Variants in PAOX observed in about 807,000 individuals in gnomAD.
PAOX encodes the protein polyamine oxidase.
PAOX carries 38 observed loss-of-function variants against 39.0 expected under a neutral mutation model. That is an observed-to-expected ratio of 0.97 (90% confidence interval 0.75 to 1.28). The LOEUF is 1.28. Among genes scored for constraint, PAOX ranks in the 50% most tolerant of loss-of-function variants. The pLI is 0.00. For synonymous variants in PAOX, 311 were observed against 314.4 expected (o/e 0.99, Z 0.11); for missense variants, 667 against 685.7 (o/e 0.97, Z 0.30).
At chr10:133,381,865 G>A (rs868597499) in intron 3 of PAOX, among the ~76,000 whole-genome samples, 12 of 152,202 alleles carry the variant, frequency 7.9e-5, no homozygotes, top group South Asian at 2.1e-4. Flanking sequence ...AAGAAAAAAC[G>A]CGAGTAAGTA....
intron 2 of PAOX, 71 bp downstream of exon 2, chr10:133,380,556 C>G: frequency 1.3e-6 from 2 of 1,493,158 alleles, no homozygotes; most frequent in Non-Finnish European, 1.8e-6. Flanking sequence ...TGGCTGAGCT[C>G]CGCTCTTGCT....
In PAOX at chr10:133,389,765, G is replaced by C; in HGVS notation, c.1392+18G>C. The C allele has an allele frequency of 3.4e-6, 5 of 1,460,286 alleles. No individual in the cohort carries two copies. The highest frequency in any genetic ancestry group is 4.5e-6 in the Non-Finnish European group (5 of 1,108,020). 90.5% of individuals were successfully genotyped at this position (1,460,286 alleles called of 1,614,324 possible). ...GCGCCCAGGTATGTGGCGTGCCCCA[G>C]TCGGGGGGCGTGGGTCCCGCTGCAG... On this transcript the variant is annotated intron_variant, in intron 6 of 6. Transcript: ENST00000278060.
chr10:133,388,514 C>T (rs1448577257), intron 4 of PAOX, among the ~76,000 whole-genome samples: 1 of 152,234 alleles, frequency 6.6e-6, no homozygotes, highest in South Asian at 2.1e-4. Context: ...GTGGTGGGAA[C>T]GCCTGTAGGC....
At chr10:133,383,382 C>T (rs921837593) in intron 3 of PAOX, among the ~76,000 whole-genome samples, 1 of 151,158 alleles carries the variant, frequency 6.6e-6, no homozygotes, top group African/African-American at 2.4e-5. Context: ...GCAGGTAGAT[C>T]ACCTGAGGTC....
chr10:133,381,827 C>G (rs1564810755), intron 3 of PAOX, among the ~76,000 whole-genome samples, 168 bp downstream of exon 3: 1 of 152,160 alleles, frequency 6.6e-6, no homozygotes, highest in African/African-American at 2.4e-5. Flanking sequence ...GTAGCAATTA[C>G]ATGCTTTGGA....
chr10:133,380,905 G>C (rs1448122679), intron 2 of PAOX, among the ~76,000 whole-genome samples: 2 of 152,238 alleles, frequency 1.3e-5, no homozygotes, highest in Non-Finnish European at 2.9e-5. Flanking sequence ...TTGAACCTGG[G>C]AGGCGGAGGT....
chr10:133,385,300 A>G (rs1351199769), intron 4 of PAOX, among the ~76,000 whole-genome samples: 26 of 152,006 alleles, frequency 1.7e-4, no homozygotes, highest in South Asian at 6.2e-4. Context: ...CTGTCTAAAA[A>G]AAAAAAGAAA....
chr10:133,389,093 T>G (rs769665875), intron 5 of PAOX, 25 bp downstream of exon 5: 8 of 1,521,050 alleles, frequency 5.3e-6, no homozygotes, highest in Non-Finnish European at 7.3e-6. Flanking sequence ...CACACGCTGG[T>G]TCCTGCCTCT....
In PAOX at chr10:133,380,158, G is replaced by A; in HGVS notation, c.341G>A (p.Ser114Asn). 6.8e-6 allele frequency: 11 copies of A among 1,607,542 alleles called. No individual in the cohort carries two copies. Among genetic ancestry groups the A allele is most frequent in the Non-Finnish European group, 9.3e-6 (11 of 1,176,646 alleles). Residue 114 changes from serine (S) to asparagine (N), a missense_variant, in exon 2 of 7, where the codon AGC becomes AAC. Transcript: ENST00000278060. ...TGGHVGLPSV[S>N]YASSGASVSL... ...GGTCACGTGGGCCTGCCCTCCGTGAGCTACGCCAGCTCCGGGGCCAGCGTG... is the reference window on the plus strand; with the variant it reads ...GGTCACGTGGGCCTGCCCTCCGTGAACTACGCCAGCTCCGGGGCCAGCGTG...
At chr10:133,386,149 C>T (rs568095963) in intron 4 of PAOX, among the ~76,000 whole-genome samples, 2 of 151,948 alleles carry the variant, frequency 1.3e-5, no homozygotes, top group African/African-American at 4.8e-5. Context: ...CTCAGCCTCC[C>T]GAGTAGCTGG....
In PAOX at chr10:133,389,589, G is replaced by GA; in HGVS notation, c.1235-1_1235insA (p.Gly412GlufsTer23). 1 of 1,613,898 alleles carries GA rather than the reference G, an allele frequency of 6.2e-7. No homozygotes were observed. Among genetic ancestry groups the GA allele is most frequent in the Non-Finnish European group, 8.5e-7 (1 of 1,180,018 alleles). ...TAACATGCAGTGTCTCTGTGGCTCA[G>GA]GAAACCCACGGCTCCCCGCGCCCAA... On this transcript the variant is annotated frameshift_variant and splice_region_variant. Transcript: ENST00000278060. LOFTEE classifies it high-confidence loss of function.
intron 6 of PAOX, 147 bp from the exon 7 acceptor site, chr10:133,391,165 G>A (rs72868316): frequency 0.022 from 17,283 of 790,906 alleles, 266 homozygotes; most frequent in Non-Finnish European, 0.029. Flanking sequence ...GTGGGTACAC[G>A]TGAGCCCTTT....
chr10:133,390,878 G>C, intron 6 of PAOX: 1 of 433,662 alleles, frequency 2.3e-6, no homozygotes. Context: ...TCACTATTCA[G>C]TGTTTACACC....
intron 4 of PAOX, among the ~76,000 whole-genome samples, chr10:133,385,819 G>T (rs527372774): frequency 6.6e-6 from 1 of 151,928 alleles, no homozygotes; most frequent in African/African-American, 2.4e-5. Context: ...TCCTGACCTC[G>T]TGATCCGCCC....
intron 6 of PAOX, among the ~76,000 whole-genome samples, chr10:133,390,452 C>A (rs1319243424): frequency 6.7e-6 from 1 of 150,172 alleles, no homozygotes; most frequent in African/African-American, 2.5e-5. Context: ...ACACAAGTAG[C>A]CAGGCATGGT....
rs773155078 is a variant in PAOX, at chr10:133,380,249, C to T, written c.432C>T (p.Phe144=). The T allele has an allele frequency of 1.7e-5, 27 of 1,612,702 alleles. No homozygotes were observed. In the South Asian group the frequency reaches 2.4e-4, roughly 14 times the overall value. ...GCCTGATAGACCAGACCCGGGAGTT[C>T]CTGCACGCTGCAGAGACCCCGGTGC... ...FYGLIDQTRE[F]LHAAETPVPS... The change falls in exon 2 of 7, where the codon TTC becomes TTT. Residue 144 remains phenylalanine, a synonymous_variant. Coordinates refer to ENST00000278060, the MANE Select transcript of PAOX (RefSeq NM_152911.4).
intron 3 of PAOX, among the ~76,000 whole-genome samples, chr10:133,383,693 C>A (rs12761483): frequency 0.096 from 14,667 of 152,050 alleles, 970 homozygotes; most frequent in Admixed American, 0.17. Context: ...CCTGTAATCC[C>A]AGCAGTTTGG....
intron 1 of PAOX, 59 bp downstream of exon 1, chr10:133,379,556 G>T: frequency 8.4e-7 from 1 of 1,190,740 alleles, no homozygotes; most frequent in East Asian, 3.2e-5. Context: ...GAACTCGCCG[G>T]CCCCAACCTG....
Position 133,380,078 on chromosome 10 carries a change from C to CGGGCTGCTGGGGGAGAAG in PAOX, c.263_280dup (p.Gly88_Lys93dup), listed in dbSNP as rs767465614. ...CCGTCTTCCAGCTGGCTGCTGAGTACGGGCTGCTGGGGGAGAAGGAGCTGT... is the reference window on the plus strand; with the variant it reads ...CCGTCTTCCAGCTGGCTGCTGAGTACGGGCTGCTGGGGGAGAAGGGGCTGCTGGGGGAGAAGGAGCTGT... On this transcript the variant is annotated inframe_insertion, in exon 2 of 7. Coordinates refer to ENST00000278060, the MANE Select transcript of PAOX (RefSeq NM_152911.4). The CGGGCTGCTGGGGGAGAAG allele has an allele frequency of 1.9e-5, 29 of 1,546,484 alleles. No homozygotes were observed. Among genetic ancestry groups the CGGGCTGCTGGGGGAGAAG allele is most frequent in the Middle Eastern group, 3.5e-4 (2 of 5,700 alleles).
Sources: allele counts gnomAD v4.1 joint callset (sites outside exome capture counted in the v4.1 genomes callset), GRCh38; gene constraint gnomAD v4.1.1; transcripts MANE v1.5; gene names NCBI Gene and HGNC (gene_info 2026-07-23, HGNC 2026-07-21).